HTR7: variants seen among roughly 807,000 people sequenced by gnomAD.
HTR7 encodes 5-HT-7.
In HTR7, 16 loss-of-function variants were observed where a neutral mutation model predicts 34.0. That is an observed-to-expected ratio of 0.47 (90% CI 0.32 to 0.71). The LOEUF (loss-of-function observed/expected upper bound fraction) is 0.71. HTR7 is among the 30% of genes least tolerant of loss of function. HTR7 has a pLI of 0.04. For missense variants in HTR7, 504 were observed against 625.5 expected (o/e 0.81, Z 2.07); for synonymous variants, 265 against 260.2 (o/e 1.02, Z -0.18).
chr10:90,746,393 C>T (rs1844635504), intron 2 of HTR7, among the ~76,000 whole-genome samples: 1 of 152,132 alleles, frequency 6.6e-6, no homozygotes, highest in African/African-American at 2.4e-5. Context: ...CCTATGGATG[C>T]ATGCAAATAT....
intron 1 of HTR7, among the ~76,000 whole-genome samples, chr10:90,805,060 T>C (rs1845682678): frequency 6.6e-6 from 1 of 152,216 alleles, no homozygotes; most frequent in Non-Finnish European, 1.5e-5. Context: ...ACCTGGTCTC[T>C]AGCTTTTGCA....
chr10:90,748,653 C>A (rs1844678508), intron 2 of HTR7, among the ~76,000 whole-genome samples, 186 bp downstream of exon 2: 1 of 152,150 alleles, frequency 6.6e-6, no homozygotes, highest in Non-Finnish European at 1.5e-5. Flanking sequence ...CAACTAAGTA[C>A]CTATTTTTGG....
rs199867887 is a variant in HTR7 at position 90,774,114 on chromosome 10, T to TA, written c.540-24521dup. On this transcript the variant is annotated intron_variant, in intron 1 of 3. Coordinates refer to ENST00000336152, the MANE Select transcript of HTR7 (RefSeq NM_019859.4). ...ATGGCAAACATAATGGCTCACTGAA[T>TA]AAAAAAAAAAGCTCAGGTTATCTTC... Among the ~76,000 whole-genome samples the TA allele has an allele frequency of 7.8e-4, 115 of 146,900 alleles. 1 individual carries two copies. The highest frequency in any genetic ancestry group is 2.0e-3 in the East Asian group (10 of 5,056).
intron 1 of HTR7, among the ~76,000 whole-genome samples, chr10:90,760,578 T>C (rs928611186): frequency 1.3e-5 from 2 of 152,200 alleles, no homozygotes; most frequent in Admixed American, 6.5e-5. Flanking sequence ...ATACATTATA[T>C]GTATCAAAAC....
chr10:90,828,506 G>A (rs530319237), intron 1 of HTR7, among the ~76,000 whole-genome samples: 10 of 152,092 alleles, frequency 6.6e-5, no homozygotes, highest in Admixed American at 5.9e-4. Context: ...TAAAATCAGA[G>A]ATGAAAAAGA....
intron 2 of HTR7, among the ~76,000 whole-genome samples, chr10:90,746,866 T>C (rs1385798779): frequency 6.6e-6 from 1 of 152,204 alleles, no homozygotes; most frequent in Non-Finnish European, 1.5e-5. Flanking sequence ...TAAGACTGTC[T>C]AGGAGTGGAT....
Position 90,749,594 on chromosome 10 carries a change from C to T in HTR7, c.540G>A (p.Arg180=). The T allele has an allele frequency of 6.2e-7, 1 of 1,602,330 alleles. No individual in the cohort carries two copies. The highest frequency in any genetic ancestry group is 8.5e-7 in the Non-Finnish European group (1 of 1,172,808). ...TGAGGGGCCTTGTGATCCCAAGGTA[C>T]CTAGTGGAGAGATGGAAAGATAACA... ...IMTLCVISID[R]YLGITRPLTY... is the part of the protein sequence containing the mutation. Residue 180 remains arginine, a splice_region_variant and synonymous_variant, in exon 2 of 4, where the codon AGG becomes AGA. Coordinates refer to ENST00000336152, the MANE Select transcript of HTR7 (RefSeq NM_019859.4). The surrounding 1 kb of genome is among the most constrained non-coding windows in gnomAD (Gnocchi z 4.2).
chr10:90,848,183 C>A (rs1846441144), intron 1 of HTR7, among the ~76,000 whole-genome samples: 1 of 150,692 alleles, frequency 6.6e-6, no homozygotes, highest in Non-Finnish European at 1.5e-5. Context: ...ATTCTCCTGC[C>A]TCCCGAGTAA....
chr10:90,795,038 T>G (rs1845517400), intron 1 of HTR7, among the ~76,000 whole-genome samples: 1 of 152,196 alleles, frequency 6.6e-6, no homozygotes. Context: ...GTATATACAT[T>G]TTCTTTATCC....
At chr10:90,747,274 T>G (rs1184620658) in intron 2 of HTR7, among the ~76,000 whole-genome samples, 2 of 152,238 alleles carry the variant, frequency 1.3e-5, no homozygotes, top group East Asian at 3.8e-4. Flanking sequence ...TACTAGATTC[T>G]GCAGAAAGAA....
intron 1 of HTR7, among the ~76,000 whole-genome samples, chr10:90,795,149 T>C (rs962476978): frequency 6.6e-6 from 1 of 152,216 alleles, no homozygotes; most frequent in African/African-American, 2.4e-5. Context: ...AACATACTGA[T>C]TTACCTTCCT....
At chr10:90,815,734 G>GA (rs377002738) in intron 1 of HTR7, among the ~76,000 whole-genome samples, 24 of 148,692 alleles carry the variant, frequency 1.6e-4, no homozygotes, top group East Asian at 3.9e-4. Flanking sequence ...AAAAGTTGAA[G>GA]AAAAAAAAAA....
intron 1 of HTR7, among the ~76,000 whole-genome samples, chr10:90,780,110 G>A (rs1040308387): frequency 6.6e-5 from 10 of 152,150 alleles, no homozygotes; most frequent in African/African-American, 1.2e-4. Context: ...GCCAGGTGTC[G>A]TGGCTCACAC....
chr10:90,757,810 A>G (rs111853124), intron 1 of HTR7, among the ~76,000 whole-genome samples: 144 of 152,354 alleles, frequency 9.5e-4, no homozygotes, highest in African/African-American at 3.3e-3. Flanking sequence ...GAACATGGCT[A>G]AGACTTGAAG....
At chr10:90,829,330 T>C (rs190777204) in intron 1 of HTR7, among the ~76,000 whole-genome samples, 1 of 152,282 alleles carries the variant, frequency 6.6e-6, no homozygotes, top group East Asian at 1.9e-4. Context: ...TTCTCTAAGA[T>C]CTAGAACACG....
At chr10:90,814,787 TA>T (rs1845873092) in intron 1 of HTR7, among the ~76,000 whole-genome samples, 1 of 152,222 alleles carries the variant, frequency 6.6e-6, no homozygotes, top group Non-Finnish European at 1.5e-5. Context: ...GGGATTTTGC[TA>T]GTTCCCCAGC....
chr10:90,819,722 T>C (rs759628527), intron 1 of HTR7, among the ~76,000 whole-genome samples: 12 of 152,042 alleles, frequency 7.9e-5, no homozygotes, highest in Non-Finnish European at 2.9e-5. Flanking sequence ...GAAACACAAA[T>C]ACCACCACAG....
Position 90,845,529 on chromosome 10 carries a change from C to A in HTR7, c.539+11604G>T, listed in dbSNP as rs189112225. Among the ~76,000 whole-genome samples the A allele has an allele frequency of 1.4e-3, 216 of 152,278 alleles. 2 individuals carry two copies. The highest frequency in any genetic ancestry group is 5.1e-3 in the African/African-American group (210 of 41,552). Reference sequence around the variant, plus strand: ...ATCTTTGACCAGCAGAGTCACTCAACGACAGACACTCGAAAAACACCCTCA... The same window carrying A: ...ATCTTTGACCAGCAGAGTCACTCAAAGACAGACACTCGAAAAACACCCTCA... On this transcript the variant is annotated intron_variant, in intron 1 of 3. Coordinates refer to ENST00000336152, the MANE Select transcript of HTR7 (RefSeq NM_019859.4).
intron 1 of HTR7, among the ~76,000 whole-genome samples, chr10:90,777,733 A>G (rs777946191): frequency 9.9e-5 from 15 of 152,214 alleles, no homozygotes; most frequent in Non-Finnish European, 1.8e-4. Flanking sequence ...TTGCTATCCT[A>G]AACAAAACCA....
Sources: allele counts gnomAD v4.1 joint callset (sites outside exome capture counted in the v4.1 genomes callset), GRCh38; gene constraint gnomAD v4.1.1; non-coding constraint Gnocchi (gnomAD v3.1); transcripts MANE v1.5; gene names NCBI Gene and HGNC (gene_info 2026-07-23, HGNC 2026-07-21).